The following RALGPS2 variants were observed in gnomAD, a reference collection of about 807,000 sequenced individuals.
RALGPS2 encodes the protein ras-specific guanine nucleotide-releasing factor RalGPS2.
Under a neutral mutation model 86.8 loss-of-function variants are expected in RALGPS2, and 43 were observed. The observed-to-expected ratio is 0.50, with a 90% CI of 0.39 to 0.64. The LOEUF (loss-of-function observed/expected upper bound fraction) is 0.64. Ranked by LOEUF, RALGPS2 falls within the 30% of genes least tolerant of loss-of-function variation. The pLI is 0.00. For missense variants in RALGPS2, 536 were observed against 694.6 expected, an observed-to-expected ratio of 0.77 and a Z score of 2.57; for synonymous variants, 243 against 231.3, an observed-to-expected ratio of 1.05 and a Z score of -0.46.
At chr1:178,870,786 T>C (rs1333996720) in intron 8 of RALGPS2, 1 of 152,218 alleles carries the variant, frequency 6.6e-6, no homozygotes, top group Non-Finnish European at 1.5e-5. Flanking sequence ...TTGCTGCCCT[T>C]ATTCTTGATT....
At chr1:178,851,209 C>G in intron 8 of RALGPS2, 1 of 1,614,006 alleles carries the variant, frequency 6.2e-7, no homozygotes. Flanking sequence ...AAAATTCCAT[C>G]TTGGTGCTTG....
chr1:178,826,092 G>T (rs1655731669), intron 7 of RALGPS2, among the ~76,000 whole-genome samples: 1 of 152,186 alleles, frequency 6.6e-6, no homozygotes, highest in African/African-American at 2.4e-5. Flanking sequence ...CAGTTGGAAA[G>T]GTTTGGGATG....
intron 1 of RALGPS2, among the ~76,000 whole-genome samples, chr1:178,743,108 G>GCTA: frequency 6.6e-6 from 1 of 152,262 alleles, no homozygotes; most frequent in East Asian, 1.9e-4. Flanking sequence ...TATAGTCCTA[G>GCTA]CTACTGGAAA....
rs1232965889 is a variant in RALGPS2 at position 178,877,651 on chromosome 1, A to G, written c.745+16A>G. On this transcript the variant is annotated intron_variant, in intron 9 of 19. Coordinates refer to ENST00000367635, the MANE Select transcript of RALGPS2 (RefSeq NM_152663.5). ...TGTGAATATGGTAAGTTTCTAGGGG[A>G]TAATGCCAAGCCATTAAGATTGCTG... 1.9e-6 allele frequency: 3 copies of G among 1,611,834 alleles called. No individual in the cohort carries two copies. Among genetic ancestry groups the G allele is most frequent in the Non-Finnish European group, 1.7e-6 (2 of 1,178,564 alleles).
intron 1 of RALGPS2, among the ~76,000 whole-genome samples, chr1:178,726,909 CTATAGAATCAT>C (rs1650049377): frequency 6.6e-6 from 1 of 152,136 alleles, no homozygotes; most frequent in South Asian, 2.1e-4. Flanking sequence ...AGAACAAGTG[CTATAGAATCAT>C]ACACATAAGT....
rs886640470 is a variant in RALGPS2, at chr1:178,856,425, T to C, written c.608-21073T>C. On this transcript the variant is annotated intron_variant, in intron 8 of 19. Coordinates refer to ENST00000367635, the MANE Select transcript of RALGPS2 (RefSeq NM_152663.5). Reference sequence around the variant, plus strand: ...TTTTTTTTTTTTTTTTTTTTTTTTTTTGAGAGATGAGGTCTTGGTACATTG... The same window carrying C: ...TTTTTTTTTTTTTTTTTTTTTTTTTCTGAGAGATGAGGTCTTGGTACATTG... Among the ~76,000 whole-genome samples, 8 of 126,532 alleles carry C rather than the reference T, an allele frequency of 6.3e-5. No homozygotes were observed. In the East Asian group the frequency reaches 1.4e-3, roughly 22 times the overall value. 83.0% of individuals were successfully genotyped at this position (126,532 alleles called of 152,430 possible). A position where few individuals can be genotyped will look rare whatever the true frequency, so the allele number is the denominator to read the frequency against.
At chr1:178,909,643 A>AT (rs57890269) in intron 19 of RALGPS2, among the ~76,000 whole-genome samples, 11,732 of 72,742 alleles carry the variant, frequency 0.16, 252 homozygotes, top group Non-Finnish European at 0.19. Context: ...TTCTTTTTTA[A>AT]TTTTTTTTTT....
chr1:178,834,935 G>A (rs1461409254), intron 8 of RALGPS2, among the ~76,000 whole-genome samples: 1 of 152,054 alleles, frequency 6.6e-6, no homozygotes, highest in Admixed American at 6.6e-5. Flanking sequence ...GCACCACCAC[G>A]CCCAGCTAAT....
chr1:178,818,448 A>G (rs1017479680), intron 6 of RALGPS2, among the ~76,000 whole-genome samples: 1 of 152,330 alleles, frequency 6.6e-6, no homozygotes, highest in South Asian at 2.1e-4. Context: ...AGTTAGTTTC[A>G]TATAACCTCT....
At chr1:178,776,442 C>T (rs935716119) in intron 1 of RALGPS2, among the ~76,000 whole-genome samples, 30 of 152,084 alleles carry the variant, frequency 2.0e-4, no homozygotes, top group African/African-American at 7.2e-4. Context: ...AAAAGTTATG[C>T]TTTTGCTTTG....
Position 178,747,313 on chromosome 1 carries a change from A to G in RALGPS2, c.-84+21894A>G, listed in dbSNP as rs1248573534. 5.9e-6 allele frequency: 9 copies of G among 1,531,340 alleles called. No individual in the cohort carries two copies. In the South Asian group the frequency reaches 9.0e-5, roughly 15 times the overall value. 94.9% of individuals were successfully genotyped at this position (1,531,340 alleles called of 1,614,324 possible). On this transcript the variant is annotated intron_variant, in intron 1 of 19. Transcript: ENST00000367635. The stretch of plus-strand genomic sequence containing the variant: ...GAGGGACTCCAAAATCTGGCCAAGT[A>G]GTATAATGAAAGTGAGATATTGTTC...
chr1:178,906,974 G>A (rs1037027189), intron 19 of RALGPS2, 107 bp downstream of exon 19: 4 of 973,600 alleles, frequency 4.1e-6, no homozygotes, highest in African/African-American at 3.3e-5. Context: ...GGAGAATGGT[G>A]GTGTTTTTAT....
At chr1:178,906,339 C>T (rs922982178) in intron 18 of RALGPS2, among the ~76,000 whole-genome samples, 1 of 151,734 alleles carries the variant, frequency 6.6e-6, no homozygotes, top group African/African-American at 2.4e-5. Context: ...TGTGCCACTG[C>T]ACTCCAGCCT....
intron 6 of RALGPS2, among the ~76,000 whole-genome samples, chr1:178,814,428 G>GTCTC (rs761885056): frequency 2.6e-5 from 4 of 151,390 alleles, no homozygotes; most frequent in South Asian, 4.2e-4. Context: ...AAATTACTGA[G>GTCTC]TCTCTCTCTC....
At chr1:178,916,090 C>T (rs1329667511) in intron 19 of RALGPS2, among the ~76,000 whole-genome samples, 1 of 152,152 alleles carries the variant, frequency 6.6e-6, no homozygotes, top group Non-Finnish European at 1.5e-5. Context: ...ATTGTCTCTA[C>T]CCCTTCTCCT....
intron 1 of RALGPS2, chr1:178,753,735 A>G (rs1651802859): frequency 6.6e-6 from 1 of 152,204 alleles, no homozygotes; most frequent in African/African-American, 2.4e-5. Context: ...GCAGGAAGAA[A>G]AAACCGTAAA....
intron 16 of RALGPS2, among the ~76,000 whole-genome samples, chr1:178,895,925 A>G (rs1044663311): frequency 9.9e-5 from 15 of 151,986 alleles, no homozygotes; most frequent in African/African-American, 3.4e-4. Context: ...TAGCATACAG[A>G]TAGATAGTAT....
At chr1:178,811,133 A>G (rs1654956071) in intron 5 of RALGPS2, among the ~76,000 whole-genome samples, 182 bp from the exon 6 acceptor site, 1 of 152,064 alleles carries the variant, frequency 6.6e-6, no homozygotes, top group African/African-American at 2.4e-5. Flanking sequence ...TTATGATTCT[A>G]CTCAATCTAA....
intron 4 of RALGPS2, among the ~76,000 whole-genome samples, chr1:178,801,203 G>A (rs1572346050): frequency 2.6e-5 from 4 of 152,242 alleles, no homozygotes; most frequent in Admixed American, 2.6e-4. Context: ...TAGGATTACA[G>A]GTGTGAGCCA....
Sources: allele counts gnomAD v4.1 joint callset (sites outside exome capture counted in the v4.1 genomes callset), GRCh38; gene constraint gnomAD v4.1.1; transcripts MANE v1.5; gene names NCBI Gene and HGNC (gene_info 2026-07-23, HGNC 2026-07-21).